Variants in RIT2 observed in about 807,000 individuals in gnomAD.
RIT2 encodes the protein Ras like without CAAX 2.
Under a neutral mutation model 23.7 loss-of-function variants are expected in RIT2, and 24 were observed. The observed-to-expected ratio is 1.01, with a 90% confidence interval of 0.73 to 1.43. RIT2 has a LOEUF of 1.43. Ranked by LOEUF, RIT2 falls within the 40% of genes most tolerant of loss-of-function variation. The pLI is 0.00. For synonymous variants in RIT2, 107 were observed against 91.1 expected (o/e 1.17, Z -0.99); for missense variants, 236 against 266.9 (o/e 0.88, Z 0.81).
chr18:43,063,151 T>C (rs1302407188), intron 1 of RIT2, among the ~76,000 whole-genome samples: 1 of 152,124 alleles, frequency 6.6e-6, no homozygotes, highest in African/African-American at 2.4e-5. Flanking sequence ...GTTCAGTAAA[T>C]ATGAGTAGAT....
At chr18:42,897,601 C>T (rs1197199169) in intron 4 of RIT2, among the ~76,000 whole-genome samples, 1 of 151,750 alleles carries the variant, frequency 6.6e-6, no homozygotes, top group African/African-American at 2.4e-5. Flanking sequence ...TAAACCTGTA[C>T]AGTATGCCTA....
chr18:42,785,434 G>C (rs1447890889), intron 4 of RIT2, among the ~76,000 whole-genome samples: 1 of 146,278 alleles, frequency 6.8e-6, no homozygotes, highest in Non-Finnish European at 1.5e-5. Context: ...TCCATGTTAA[G>C]TTTCTTGGCC....
chr18:43,010,420 A>G (rs943857183), intron 2 of RIT2, among the ~76,000 whole-genome samples: 8 of 151,840 alleles, frequency 5.3e-5, no homozygotes, highest in South Asian at 2.1e-4. Flanking sequence ...ATATCCAGGC[A>G]TAATATGAAA....
intron 4 of RIT2, among the ~76,000 whole-genome samples, chr18:42,790,482 G>T (rs182282457): frequency 2.6e-5 from 4 of 152,194 alleles, no homozygotes; most frequent in East Asian, 1.9e-4. Context: ...TCACTCTGTC[G>T]CCTAGGCCGG....
intron 3 of RIT2, among the ~76,000 whole-genome samples, chr18:42,955,511 A>G (rs1046140242): frequency 6.6e-6 from 1 of 152,172 alleles, no homozygotes; most frequent in African/African-American, 2.4e-5. Flanking sequence ...TAAAAGGGTC[A>G]AAAGGTCCTT....
chr18:43,053,748 T>A (rs1290471215), intron 1 of RIT2, among the ~76,000 whole-genome samples: 1 of 152,112 alleles, frequency 6.6e-6, no homozygotes. Flanking sequence ...GACAGATACA[T>A]GGATTAGTAA....
chr18:43,043,753 A>T (rs1025226247), intron 1 of RIT2, among the ~76,000 whole-genome samples: 1 of 152,084 alleles, frequency 6.6e-6, no homozygotes, highest in Admixed American at 6.6e-5. Flanking sequence ...TAGCTGAGAT[A>T]GTGCCATTGC....
intron 1 of RIT2, among the ~76,000 whole-genome samples, chr18:43,076,396 C>A (rs1276311137): frequency 3.3e-5 from 5 of 151,812 alleles, no homozygotes; most frequent in Admixed American, 6.6e-5. Flanking sequence ...TACTAAATGT[C>A]AAGCTTGGGA....
At chr18:42,929,814 C>G (rs1909281122) in intron 3 of RIT2, among the ~76,000 whole-genome samples, 1 of 152,058 alleles carries the variant, frequency 6.6e-6, no homozygotes, top group Admixed American at 6.6e-5. Flanking sequence ...AAAATAACAG[C>G]CAGGAGCACA....
intron 2 of RIT2, among the ~76,000 whole-genome samples, chr18:42,996,685 G>A (rs192031221): frequency 4.7e-5 from 7 of 150,248 alleles, no homozygotes; most frequent in South Asian, 2.1e-4. Context: ...CTTATAAAAC[G>A]GCCTCACCCC....
chr18:42,907,822 AT>A, intron 4 of RIT2, among the ~76,000 whole-genome samples: 1 of 152,102 alleles, frequency 6.6e-6, no homozygotes. Context: ...CTCTATAAAA[AT>A]TTTAAGAATT....
At chr18:43,023,267 A>T (rs1189175549) in intron 2 of RIT2, among the ~76,000 whole-genome samples, 1 of 152,096 alleles carries the variant, frequency 6.6e-6, no homozygotes, top group Non-Finnish European at 1.5e-5. Flanking sequence ...AGGAAAAATT[A>T]TGATGATCAT....
At chr18:42,849,516 T>C (rs1325379478) in intron 4 of RIT2, among the ~76,000 whole-genome samples, 2 of 152,152 alleles carry the variant, frequency 1.3e-5, no homozygotes, top group South Asian at 2.1e-4. Context: ...TTAGCTGACA[T>C]GACGCAAATA....
intron 4 of RIT2, among the ~76,000 whole-genome samples, chr18:42,789,120 C>T (rs1287469852): frequency 3.9e-5 from 6 of 152,018 alleles, no homozygotes; most frequent in Non-Finnish European, 8.8e-5. Context: ...ATAAAATGCC[C>T]GCTAGTAGAA....
At chr18:43,104,287 G>A (rs906272484) in intron 1 of RIT2, among the ~76,000 whole-genome samples, 2 of 152,094 alleles carry the variant, frequency 1.3e-5, no homozygotes, top group Non-Finnish European at 2.9e-5. Context: ...GAGAGGGAGG[G>A]TAGGATGGGG....
At chr18:42,943,299 AT>A (rs1300089652) in intron 3 of RIT2, among the ~76,000 whole-genome samples, 1 of 151,968 alleles carries the variant, frequency 6.6e-6, no homozygotes, top group Non-Finnish European at 1.5e-5. Flanking sequence ...TGATTGGTGC[AT>A]TTTCCAATCC....
intron 2 of RIT2, among the ~76,000 whole-genome samples, chr18:43,018,226 G>A (rs995831986): frequency 2.6e-5 from 4 of 152,054 alleles, no homozygotes; most frequent in Admixed American, 1.3e-4. Context: ...TGGCATCAGA[G>A]AAAGAGGCAG....
intron 1 of RIT2, among the ~76,000 whole-genome samples, chr18:43,039,431 C>A (rs1433109330): frequency 1.3e-5 from 2 of 150,936 alleles, no homozygotes; most frequent in Non-Finnish European, 2.9e-5. Context: ...TCACTGCAGG[C>A]CCCGCCTCCT....
intron 1 of RIT2, among the ~76,000 whole-genome samples, chr18:43,107,507 G>C (rs1913851299): frequency 1.3e-5 from 2 of 152,164 alleles, no homozygotes; most frequent in South Asian, 4.1e-4. Flanking sequence ...AAGAAAGTAT[G>C]CTTCCCTAAG....
Sources: gnomAD v4.1 joint callset for allele counts (sites outside exome capture counted in the v4.1 genomes callset) on GRCh38, gnomAD v4.1.1 for gene constraint, MANE v1.5 for transcripts, NCBI Gene and HGNC (gene_info 2026-07-23, HGNC 2026-07-21) for gene names.